The following NAV3 variants were observed in gnomAD, a reference collection of about 807,000 sequenced individuals.
The protein encoded by NAV3 is pore membrane and/or filament interacting like protein 1.
Under a neutral mutation model 244.7 loss-of-function variants are expected in NAV3, and 87 were observed. The observed-to-expected ratio is 0.36, with a 90% CI of 0.30 to 0.42. The LOEUF (loss-of-function observed/expected upper bound fraction) is 0.42. Among genes scored for constraint, NAV3 ranks in the 20% least tolerant of loss-of-function variants. NAV3 has a pLI of 1.00. For missense variants in NAV3, 2,663 were observed against 2,893.3 expected, an observed-to-expected ratio of 0.92 and a Z score of 1.83; for synonymous variants, 1,126 against 1,042.2, an observed-to-expected ratio of 1.08 and a Z score of -1.55.
intron 5 of NAV3, among the ~76,000 whole-genome samples, chr12:77,979,185 T>A (rs1869066438): frequency 6.8e-6 from 1 of 146,020 alleles, no homozygotes. Context: ...ACCAGCCTGG[T>A]CAACACTGTG....
intron 12 of NAV3, among the ~76,000 whole-genome samples, chr12:78,103,844 C>A (rs1954663924): frequency 6.6e-6 from 1 of 152,140 alleles, no homozygotes; most frequent in Non-Finnish European, 1.5e-5. Context: ...AGGTGCCTCC[C>A]ACAACACATG....
At chr12:78,129,847 C>A (rs1956085959) in intron 18 of NAV3, among the ~76,000 whole-genome samples, 1 of 152,094 alleles carries the variant, frequency 6.6e-6, no homozygotes, top group South Asian at 2.1e-4. Flanking sequence ...TTATAATTTA[C>A]CTTTGTCAAA....
intron 12 of NAV3, among the ~76,000 whole-genome samples, chr12:78,065,234 A>G (rs1220253370): frequency 3.9e-5 from 6 of 152,208 alleles, no homozygotes; most frequent in Admixed American, 3.9e-4. Flanking sequence ...TGGCAAAACT[A>G]TCTGAGCTCT....
At chr12:77,711,352 C>T (rs1876104151) in intron 2 of NAV3, among the ~76,000 whole-genome samples, 1 of 152,226 alleles carries the variant, frequency 6.6e-6, no homozygotes, top group Non-Finnish European at 1.5e-5. Context: ...CTGTGCATCT[C>T]TAGTCCCATA....
At chr12:78,078,946 A>G (rs565809367) in intron 12 of NAV3, among the ~76,000 whole-genome samples, 1 of 152,330 alleles carries the variant, frequency 6.6e-6, no homozygotes, top group Non-Finnish European at 1.5e-5. Flanking sequence ...TTTTGATCAT[A>G]TTTCTAACAA....
intron 3 of NAV3, among the ~76,000 whole-genome samples, chr12:77,951,529 G>A (rs1890880784): frequency 6.6e-6 from 1 of 152,146 alleles, no homozygotes; most frequent in Non-Finnish European, 1.5e-5. Context: ...CAAGGATCTG[G>A]AACTAGAAAT....
intron 5 of NAV3, among the ~76,000 whole-genome samples, chr12:77,990,241 A>T (rs1455651864): frequency 6.6e-6 from 1 of 152,198 alleles, no homozygotes; most frequent in Non-Finnish European, 1.5e-5. Context: ...CACCTCCCCA[A>T]TTAACTAAAA....
chr12:77,786,868 C>T lies in NAV3; in HGVS notation c.73-153451C>T, dbSNP rs537806187. Among the ~76,000 whole-genome samples, 17 of 152,200 alleles carry T rather than the reference C, an allele frequency of 1.1e-4. No individual in the cohort carries two copies. The South Asian group carries it at 2.9e-3, about 26-fold the overall frequency. On this transcript the variant is annotated intron_variant, in intron 2 of 8. Transcript: ENST00000550042. ...AACAGGATGTCCTGACCTTTAGTCT[C>T]GATGTACCTCATCCCCAGTGCTGTC... is the stretch of plus-strand genomic sequence containing the variant.
intron 11 of NAV3, among the ~76,000 whole-genome samples, chr12:78,057,364 C>T (rs1167754143): frequency 2.6e-5 from 4 of 152,150 alleles, no homozygotes; most frequent in Admixed American, 6.6e-5. Flanking sequence ...ATACTTTAAT[C>T]CTGCTTCTGC....
intron 2 of NAV3, among the ~76,000 whole-genome samples, chr12:77,689,975 A>G (rs1304566165): frequency 6.6e-6 from 1 of 151,774 alleles, no homozygotes. Context: ...AATCACAAGG[A>G]GTTTTTTCCA....
chr12:77,676,963 G>A (rs1195713785), intron 2 of NAV3, among the ~76,000 whole-genome samples: 1 of 152,120 alleles, frequency 6.6e-6, no homozygotes, highest in Non-Finnish European at 1.5e-5. Flanking sequence ...TTGAAATGTT[G>A]ACTCTAGATA....
intron 39 of NAV3, among the ~76,000 whole-genome samples, chr12:78,208,155 C>T (rs932601685): frequency 5.3e-5 from 8 of 152,196 alleles, no homozygotes; most frequent in East Asian, 1.9e-4. Flanking sequence ...CATGAACTTA[C>T]GGTGGAAAGT....
At chr12:77,737,760 G>T (rs1877395576) in intron 2 of NAV3, among the ~76,000 whole-genome samples, 1 of 152,110 alleles carries the variant, frequency 6.6e-6, no homozygotes, top group African/African-American at 2.4e-5. Flanking sequence ...TCAACAGTTG[G>T]TCTACCTTCC....
chr12:77,662,333 C>T (rs1002275490), intron 2 of NAV3, among the ~76,000 whole-genome samples: 1 of 151,910 alleles, frequency 6.6e-6, no homozygotes, highest in Non-Finnish European at 1.5e-5. Context: ...ATGCGTCTTA[C>T]ACTTCTGTTA....
chr12:77,879,417 T>C lies in NAV3; in HGVS notation c.243+47713T>C, dbSNP rs563381037. ...GGTGCAGTGCTCACACCTGTATTCC[T>C]AAGACTTTGGGAGGTCCAGGCAGGT... On this transcript the variant is annotated intron_variant, in intron 1 of 39. Transcript: ENST00000397909. 1.5e-4 allele frequency among the ~76,000 whole-genome samples: 23 copies of C among 152,194 alleles called. No individual in the cohort carries two copies. The South Asian group carries it at 4.8e-3, about 32-fold the overall frequency.
intron 2 of NAV3, among the ~76,000 whole-genome samples, chr12:77,806,817 C>T (rs1026233074): frequency 8.5e-5 from 13 of 152,158 alleles, no homozygotes; most frequent in Non-Finnish European, 1.9e-4. Flanking sequence ...CTTTGTACAT[C>T]TCTAAGAACT....
At chr12:77,942,965 A>G (rs549185132) in intron 3 of NAV3, among the ~76,000 whole-genome samples, 1 of 152,334 alleles carries the variant, frequency 6.6e-6, no homozygotes, top group African/African-American at 2.4e-5. Context: ...GTGTTGAATA[A>G]TATAAAACAT....
chr12:77,946,289 C>G (rs992015929), intron 3 of NAV3, among the ~76,000 whole-genome samples: 15 of 151,060 alleles, frequency 9.9e-5, no homozygotes, highest in African/African-American at 3.2e-4. Context: ...AAATTTAACT[C>G]TCTATATAAT....
At chr12:77,898,006 T>C (rs2136868455) in intron 1 of NAV3, among the ~76,000 whole-genome samples, 2 of 152,326 alleles carry the variant, frequency 1.3e-5, no homozygotes, top group South Asian at 4.1e-4. Flanking sequence ...CTATATTTGT[T>C]TGATGATTTG....
Sources: allele counts gnomAD v4.1 joint callset (sites outside exome capture counted in the v4.1 genomes callset), GRCh38; gene constraint gnomAD v4.1.1; transcripts MANE v1.5; gene names NCBI Gene and HGNC (gene_info 2026-07-23, HGNC 2026-07-21).